Variants in CDH12 observed in about 807,000 individuals in gnomAD.
The protein encoded by CDH12 is cadherin-12.
CDH12 carries 41 observed loss-of-function variants against 74.1 expected under a neutral mutation model. The ratio of observed to expected loss-of-function variants is 0.55; its 90% CI spans 0.43 to 0.72. The LOEUF (loss-of-function observed/expected upper bound fraction) is 0.72. CDH12 is among the 30% of genes least tolerant of loss of function. CDH12 has a pLI of 0.00. For missense variants in CDH12, 945 were observed against 977.2 expected, an observed-to-expected ratio of 0.97 and a Z score of 0.44; for synonymous variants, 399 against 355.0, an observed-to-expected ratio of 1.12 and a Z score of -1.39.
At chr5:22,533,190 G>T (rs1304551610) in intron 1 of CDH12, among the ~76,000 whole-genome samples, 1 of 151,934 alleles carries the variant, frequency 6.6e-6, no homozygotes, top group African/African-American at 2.4e-5. Context: ...GACATTTTTG[G>T]TTGTCATAAC....
intron 8 of CDH12, among the ~76,000 whole-genome samples, chr5:21,832,625 T>C (rs1396162982): frequency 1.3e-5 from 2 of 150,772 alleles, no homozygotes; most frequent in South Asian, 2.1e-4. Flanking sequence ...TACCCAAATA[T>C]ACCTGTAGGA....
intron 1 of CDH12, among the ~76,000 whole-genome samples, chr5:22,612,103 A>G (rs539966354): frequency 6.6e-6 from 1 of 151,838 alleles, no homozygotes; most frequent in East Asian, 1.9e-4. Flanking sequence ...TGCCTCACTC[A>G]TGGTCTAAAG....
intron 11 of CDH12, among the ~76,000 whole-genome samples, chr5:21,780,005 T>G (rs1047293658): frequency 1.2e-4 from 18 of 152,204 alleles, no homozygotes; most frequent in Non-Finnish European, 7.3e-5. Flanking sequence ...CTAATATCTT[T>G]ACATTGGCCA....
Position 22,231,558 on chromosome 5 carries a change from A to G in CDH12, c.-332-18915T>C, listed in dbSNP as rs540073324. 2.6e-5 allele frequency among the ~76,000 whole-genome samples: 4 copies of G among 152,214 alleles called. No homozygotes were observed. In the South Asian group the frequency reaches 8.3e-4, roughly 32 times the overall value. On this transcript the variant is annotated intron_variant, in intron 3 of 14. Transcript: ENST00000382254. ...CTTTATTTAGTAGGTACCAAGAGAT[A>G]CAAATGAAAATCATATTTCATGAGG...
At chr5:22,533,511 T>A (rs1737686096) in intron 1 of CDH12, among the ~76,000 whole-genome samples, 1 of 152,246 alleles carries the variant, frequency 6.6e-6, no homozygotes, top group Non-Finnish European at 1.5e-5. Flanking sequence ...ATTAAATCTA[T>A]CAGGAACCTC....
chr5:22,490,421 A>T (rs544305677), intron 2 of CDH12, among the ~76,000 whole-genome samples: 1 of 152,314 alleles, frequency 6.6e-6, no homozygotes, highest in Non-Finnish European at 1.5e-5. Context: ...TGCCTTGAGC[A>T]GTAATGGGTT....
chr5:22,756,581 T>C (rs1320133810), intron 1 of CDH12, among the ~76,000 whole-genome samples: 4 of 152,162 alleles, frequency 2.6e-5, no homozygotes, highest in African/African-American at 4.8e-5. Flanking sequence ...TAAAAAGGAT[T>C]CTTCATAAAA....
At chr5:22,729,757 C>T (rs1380670157) in intron 1 of CDH12, among the ~76,000 whole-genome samples, 1 of 151,786 alleles carries the variant, frequency 6.6e-6, no homozygotes, top group Non-Finnish European at 1.5e-5. Flanking sequence ...TCTTCTTGTC[C>T]AGCACAGCAG....
intron 4 of CDH12, among the ~76,000 whole-genome samples, chr5:22,106,073 TC>T (rs1744424922): frequency 6.6e-6 from 1 of 152,186 alleles, no homozygotes; most frequent in African/African-American, 2.4e-5. Flanking sequence ...TGTTGTTCTT[TC>T]CATGAAGATT....
At chr5:22,228,865 GATAAA>G (rs1752285583) in intron 3 of CDH12, among the ~76,000 whole-genome samples, 1 of 152,058 alleles carries the variant, frequency 6.6e-6, no homozygotes, top group East Asian at 1.9e-4. Flanking sequence ...CATAATTAAA[GATAAA>G]ATAAATTAAT....
At chr5:22,210,837 A>C (rs1235274362) in intron 4 of CDH12, among the ~76,000 whole-genome samples, 4 of 152,140 alleles carry the variant, frequency 2.6e-5, no homozygotes, top group Non-Finnish European at 5.9e-5. Flanking sequence ...GTTGCTTAAA[A>C]AAAAAAAAAT....
chr5:22,797,487 G>A (rs1049094215), intron 1 of CDH12, among the ~76,000 whole-genome samples: 5 of 152,144 alleles, frequency 3.3e-5, no homozygotes, highest in African/African-American at 1.2e-4. Context: ...GTACTAAGTG[G>A]CTTCTGACTC....
intron 6 of CDH12, among the ~76,000 whole-genome samples, chr5:21,973,736 A>AT (rs924834957): frequency 2.6e-5 from 4 of 152,092 alleles, no homozygotes; most frequent in African/African-American, 7.2e-5. Context: ...TAAAAGCCTT[A>AT]TTTTTTCCTC....
intron 1 of CDH12, among the ~76,000 whole-genome samples, chr5:22,517,584 TAAACTAC>T (rs911040347): frequency 3.3e-5 from 5 of 152,218 alleles, no homozygotes; most frequent in African/African-American, 1.2e-4. Flanking sequence ...ACCTTTCTTT[TAAACTAC>T]AAACTACAAT....
chr5:21,883,912 G>T, intron 6 of CDH12: 7 of 1,606,738 alleles, frequency 4.4e-6, no homozygotes, highest in Non-Finnish European at 6.0e-6. Context: ...TTGGGAGGGG[G>T]TTTTGCCCTC....
At chr5:22,117,468 A>AAT (rs1323855843) in intron 4 of CDH12, among the ~76,000 whole-genome samples, 9 of 75,984 alleles carry the variant, frequency 1.2e-4, no homozygotes, top group South Asian at 3.8e-4. Context: ...TTATATATAT[A>AAT]ATATATATAT....
chr5:22,496,079 G>A (rs942644347), intron 2 of CDH12, among the ~76,000 whole-genome samples: 7 of 152,160 alleles, frequency 4.6e-5, no homozygotes, highest in African/African-American at 1.4e-4. Context: ...CATGTTGTAG[G>A]TGAAAGAAAT....
Position 21,783,357 on chromosome 5 carries a change from C to T in CDH12, c.1393+1G>A. On this transcript the variant is annotated splice_donor_variant, in intron 11 of 14. Transcript: ENST00000382254. LOFTEE classifies it high-confidence loss of function. ...ATTGATTCTGTCCATGCCATACTTACTAACTTTACTCGCAATTATGGAGAA... is the reference window on the plus strand; with the variant it reads ...ATTGATTCTGTCCATGCCATACTTATTAACTTTACTCGCAATTATGGAGAA... The T allele has an allele frequency of 1.2e-6, 2 of 1,612,386 alleles. No homozygotes were observed. Among genetic ancestry groups the T allele is most frequent in the Non-Finnish European group, 1.7e-6 (2 of 1,178,854 alleles).
chr5:22,580,289 G>C (rs1243802294), intron 1 of CDH12: 1 of 392,386 alleles, frequency 2.5e-6, no homozygotes, highest in African/African-American at 2.1e-5. Flanking sequence ...TGGCAAAGAG[G>C]TCGTCGATGT....
Sources: allele counts gnomAD v4.1 joint callset (sites outside exome capture counted in the v4.1 genomes callset), GRCh38; gene constraint gnomAD v4.1.1; transcripts MANE v1.5; gene names NCBI Gene and HGNC (gene_info 2026-07-23, HGNC 2026-07-21).